HTT: variants seen among roughly 807,000 people sequenced by gnomAD.
HTT encodes huntington disease protein.
A neutral mutation model predicts 362.3 loss-of-function variants in HTT; 104 were observed. The ratio of observed to expected loss-of-function variants is 0.29; its 90% CI spans 0.24 to 0.34. The LOEUF is 0.34. HTT is among the 10% of genes least tolerant of loss of function. The probability of loss-of-function intolerance (pLI) is 1.00; values close to 1 mark genes in which losing one functional copy is unlikely to be tolerated. For synonymous variants in HTT, 1,577 were observed against 1,548.7 expected, an observed-to-expected ratio of 1.02 and a Z score of -0.43; for missense variants, 3,301 against 3,928.6, an observed-to-expected ratio of 0.84 and a Z score of 4.27.
chr4:3,209,729 G>C (rs777798141), intron 46 of HTT, 98 bp from the exon 47 acceptor site: 1 of 1,456,128 alleles, frequency 6.9e-7, no homozygotes, highest in Non-Finnish European at 9.5e-7. Flanking sequence ...GCCTAGTGCG[G>C]TGTTCCCAAG....
intron 29 of HTT, among the ~76,000 whole-genome samples, chr4:3,169,550 A>C (rs1212494567): frequency 6.7e-6 from 1 of 149,794 alleles, no homozygotes. Flanking sequence ...TTAATCTGTT[A>C]ATCTGTTGTT....
chr4:3,186,519 G>A (rs775881996), intron 37 of HTT, 78 bp from the exon 38 acceptor site: 230 of 1,517,460 alleles, frequency 1.5e-4, no homozygotes, highest in Non-Finnish European at 2.0e-4. Flanking sequence ...ATTTGCCCTT[G>A]AGTTACATAG....
intron 29 of HTT, among the ~76,000 whole-genome samples, chr4:3,161,940 G>T (rs1717468186): frequency 6.6e-6 from 1 of 152,128 alleles, no homozygotes; most frequent in Non-Finnish European, 1.5e-5. Flanking sequence ...GATCCCGTTT[G>T]TCAATTTTGG....
intron 2 of HTT, among the ~76,000 whole-genome samples, chr4:3,091,735 A>G (rs146309007): frequency 6.6e-6 from 1 of 152,278 alleles, no homozygotes; most frequent in Non-Finnish European, 1.5e-5. Flanking sequence ...ACTAGTAATC[A>G]GTAGACTGAA....
Position 3,229,919 on chromosome 4 carries a change from C to A in HTT, c.8142C>A (p.Arg2714=), listed in dbSNP as rs1721170398. Residue 2714 remains arginine (R), a synonymous_variant, in exon 60 of 67, where the codon CGC becomes CGA. Transcript: ENST00000355072. ...LLVVSDLFTE[R]NQFELMYVTL... is the part of the protein sequence containing the mutation. ...TGGTCTCAGACTTGTTCACCGAGCG[C>A]AACCAGTTTGAGCTGATGTATGTGA... The A allele has an allele frequency of 1.2e-6, 2 of 1,614,204 alleles. No homozygotes were observed. Among genetic ancestry groups the A allele is most frequent in the East Asian group, 4.5e-5 (2 of 44,882 alleles).
intron 21 of HTT, 136 bp downstream of exon 21, chr4:3,136,462 TAAACTA>T (rs1002237099): frequency 1.0e-4 from 46 of 454,472 alleles, no homozygotes; most frequent in African/African-American, 8.2e-4. Flanking sequence ...ATTCTATTCT[TAAACTA>T]TAATGAAAAA....
rs1286930503 is a variant in HTT at position 3,083,528 on chromosome 4, TATACACACACAC to T, written c.264-3409_264-3398del. Among the ~76,000 whole-genome samples, 162 of 83,924 alleles carry T rather than the reference TATACACACACAC, an allele frequency of 1.9e-3. 1 individual carries two copies. The highest frequency in any genetic ancestry group is 0.011 in the Middle Eastern group (2 of 176). 55.1% of individuals were successfully genotyped at this position (83,924 alleles called of 152,430 possible). A position where few individuals can be genotyped will look rare whatever the true frequency, so the allele number is the denominator to read the frequency against. ...AAGAGAGTGAGACCCTGTCTCTAAA[TATACACACACAC>T]ACACACACACACACACACACACACA... is the stretch of plus-strand genomic sequence containing the variant. On this transcript the variant is annotated intron_variant, in intron 1 of 66. Transcript: ENST00000355072.
chr4:3,204,229 C>T, intron 42 of HTT, 81 bp downstream of exon 42: 1 of 1,434,042 alleles, frequency 7.0e-7, no homozygotes, highest in South Asian at 1.2e-5. Context: ...CTTGCATGGA[C>T]CCTCTGGAAC....
At chr4:3,091,407 G>A (rs950676384) in intron 2 of HTT, among the ~76,000 whole-genome samples, 1 of 152,166 alleles carries the variant, frequency 6.6e-6, no homozygotes, top group Non-Finnish European at 1.5e-5. Context: ...TTTAAAAAAT[G>A]TAATCTTAGT....
chr4:3,102,704 C>G (rs1714215996), intron 3 of HTT, among the ~76,000 whole-genome samples: 1 of 152,220 alleles, frequency 6.6e-6, no homozygotes, highest in South Asian at 2.1e-4. Flanking sequence ...GCACAGCTTC[C>G]TCCCTCTTGG....
intron 1 of HTT, among the ~76,000 whole-genome samples, chr4:3,085,660 A>G (rs1713170260): frequency 6.6e-6 from 1 of 152,160 alleles, no homozygotes; most frequent in Non-Finnish European, 1.5e-5. Context: ...AGTTTCTTAA[A>G]CTTCCAGGTT....
chr4:3,122,917 C>G lies in HTT; in HGVS notation c.1302C>G (p.Val434=), dbSNP rs1404232788. Residue 434 remains valine, a synonymous_variant, in exon 10 of 67, where the codon GTC becomes GTG. Transcript: ENST00000355072. ...IAGGGSSCSP[V]LSRKQKGKVL... is the part of the protein sequence containing the mutation. ...GAGGGGGTTCCTCATGCAGCCCTGT[C>G]CTTTCAAGAAAACAAAAAGGTGATT... 1 of 1,611,472 alleles carries G rather than the reference C, an allele frequency of 6.2e-7. No homozygotes were observed. Among genetic ancestry groups the G allele is most frequent in the African/African-American group, 1.3e-5 (1 of 74,984 alleles).
chr4:3,079,954 C>T (rs1446725330), intron 1 of HTT, among the ~76,000 whole-genome samples: 3 of 152,200 alleles, frequency 2.0e-5, no homozygotes, highest in African/African-American at 7.2e-5. Context: ...TTAGCAGTAG[C>T]TTGCGTTATC....
chr4:3,100,796 C>T (rs927993157), intron 3 of HTT, among the ~76,000 whole-genome samples: 5 of 152,220 alleles, frequency 3.3e-5, no homozygotes, highest in South Asian at 4.1e-4. Flanking sequence ...TGGCTGATCA[C>T]GGCTCATTGC....
intron 6 of HTT, among the ~76,000 whole-genome samples, chr4:3,108,848 C>T (rs1442026930): frequency 1.3e-5 from 2 of 151,824 alleles, no homozygotes; most frequent in African/African-American, 4.8e-5. Context: ...GAGTTTGAGA[C>T]CAGCCTGGGC....
At chr4:3,130,270 T>C (rs1339866949) in intron 13 of HTT, 35 bp from the exon 14 acceptor site, 1 of 1,282,760 alleles carries the variant, frequency 7.8e-7, no homozygotes, top group Non-Finnish European at 1.1e-6. Flanking sequence ...TAAGTGGAAA[T>C]TTGTCACTTA....
intron 23 of HTT, among the ~76,000 whole-genome samples, chr4:3,143,452 A>AG (rs1186813932): frequency 2.0e-5 from 3 of 149,696 alleles, no homozygotes; most frequent in Non-Finnish European, 4.4e-5. Flanking sequence ...AAAAAAAAAA[A>AG]AAAGAAAAGA....
chr4:3,204,215 G>A, intron 42 of HTT, 67 bp downstream of exon 42: 1 of 1,561,610 alleles, frequency 6.4e-7, no homozygotes, highest in South Asian at 1.1e-5. Context: ...CTGTGTAGAT[G>A]ACACTTGCAT....
chr4:3,171,990 T>C (rs183590291), intron 29 of HTT, among the ~76,000 whole-genome samples: 192 of 152,332 alleles, frequency 1.3e-3, no homozygotes, highest in Non-Finnish European at 1.9e-3. Context: ...GATGCAGGGC[T>C]CTTAGCTGCT....
Sources: allele counts gnomAD v4.1 joint callset (sites outside exome capture counted in the v4.1 genomes callset), GRCh38; gene constraint gnomAD v4.1.1; transcripts MANE v1.5; gene names NCBI Gene and HGNC (gene_info 2026-07-23, HGNC 2026-07-21).